The following SUGCT variants were observed in gnomAD, a reference collection of about 807,000 sequenced individuals.
SUGCT encodes the protein succinyl-CoA:glutarate CoA-transferase.
Under a neutral mutation model 55.0 loss-of-function variants are expected in SUGCT, and 41 were observed. That is an observed-to-expected ratio of 0.74 (90% CI 0.58 to 0.97). The LOEUF (loss-of-function observed/expected upper bound fraction) is 0.97, where lower values mean the gene tolerates loss of function less well. Among genes scored for constraint, SUGCT ranks in the 50% least tolerant of loss-of-function variants. SUGCT has a pLI of 0.00. For missense variants in SUGCT, 568 were observed against 547.8 expected (o/e 1.04, Z -0.37); for synonymous variants, 187 against 200.4 (o/e 0.93, Z 0.56).
chr7:40,231,022 T>G (rs1446296555), intron 6 of SUGCT, among the ~76,000 whole-genome samples: 1 of 152,224 alleles, frequency 6.6e-6, no homozygotes, highest in Non-Finnish European at 1.5e-5. Context: ...ATTGTTATTC[T>G]AGATACGGGA....
At chr7:40,589,349 A>T (rs1797584293) in intron 12 of SUGCT, among the ~76,000 whole-genome samples, 1 of 152,178 alleles carries the variant, frequency 6.6e-6, no homozygotes, top group African/African-American at 2.4e-5. Context: ...GGAGGCTGAG[A>T]AGTCAAAGAT....
chr7:40,898,127 A>G, the SUGCT span, among the ~76,000 whole-genome samples: 1 of 152,028 alleles, frequency 6.6e-6, no homozygotes, highest in African/African-American at 2.4e-5. Flanking sequence ...TCACTCGTGA[A>G]GCCAGCAAGA....
At chr7:40,549,193 T>C (rs1476100752) in intron 12 of SUGCT, among the ~76,000 whole-genome samples, 1 of 152,216 alleles carries the variant, frequency 6.6e-6, no homozygotes, top group Admixed American at 6.5e-5. Flanking sequence ...GAAAAGCTGA[T>C]TTCTGGTATA....
At chr7:40,344,859 G>A (rs1307353937) in intron 9 of SUGCT, among the ~76,000 whole-genome samples, 1 of 151,334 alleles carries the variant, frequency 6.6e-6, no homozygotes, top group African/African-American at 2.4e-5. Context: ...GTAGTTTTAT[G>A]TATATTAAAT....
chr7:40,895,696 CA>C, the SUGCT span, among the ~76,000 whole-genome samples: 1,118 of 152,004 alleles, frequency 7.4e-3, 7 homozygotes, highest in Non-Finnish European at 0.013. Flanking sequence ...AATCGAAATA[CA>C]AAAAGCAATC....
intron 8 of SUGCT, among the ~76,000 whole-genome samples, chr7:40,304,859 C>T (rs966712610): frequency 6.6e-6 from 1 of 151,942 alleles, no homozygotes; most frequent in Admixed American, 6.6e-5. Flanking sequence ...ATGATTGTCT[C>T]AATAGACACA....
At chr7:40,579,006 ATT>A (rs1186005298) in intron 12 of SUGCT, among the ~76,000 whole-genome samples, 21 of 152,234 alleles carry the variant, frequency 1.4e-4, no homozygotes, top group Admixed American at 3.9e-4. Flanking sequence ...CCTGCAATGT[ATT>A]GAGTACCGTG....
intron 1 of SUGCT, chr7:40,151,613 A>G (rs903858596): frequency 4.4e-6 from 1 of 228,024 alleles, no homozygotes; most frequent in Non-Finnish European, 9.9e-6. Context: ...AGCACTGCCA[A>G]CATGTCTGAC....
intron 12 of SUGCT, among the ~76,000 whole-genome samples, chr7:40,663,485 A>ATG (rs59033010): frequency 0.14 from 19,064 of 134,930 alleles, 1,266 homozygotes; most frequent in South Asian, 0.23. Context: ...TTTGTGGTGT[A>ATG]TGTGTGTGTG....
intron 12 of SUGCT, among the ~76,000 whole-genome samples, chr7:40,703,860 T>G (rs1263974086): frequency 6.6e-6 from 1 of 152,204 alleles, no homozygotes; most frequent in Non-Finnish European, 1.5e-5. Context: ...GGTCCCCATG[T>G]TCTATGAGCC....
chr7:40,889,724 T>G, the SUGCT span, among the ~76,000 whole-genome samples: 1 of 152,140 alleles, frequency 6.6e-6, no homozygotes, highest in Non-Finnish European at 1.5e-5. Context: ...GGTCAAGTAG[T>G]TTATTACCTA....
chr7:40,727,030 A>G (rs1426295535), intron 12 of SUGCT, among the ~76,000 whole-genome samples: 1 of 152,224 alleles, frequency 6.6e-6, no homozygotes. Flanking sequence ...TGAGGCCCCC[A>G]TGGGCTGTCA....
intron 12 of SUGCT, among the ~76,000 whole-genome samples, chr7:40,613,277 C>A (rs1252322768): frequency 6.6e-6 from 1 of 152,166 alleles, no homozygotes; most frequent in Admixed American, 6.5e-5. Flanking sequence ...CATGAGGCTG[C>A]TTTCACAGCT....
chr7:40,246,883 G>A (rs1789920439), intron 7 of SUGCT, among the ~76,000 whole-genome samples: 1 of 152,160 alleles, frequency 6.6e-6, no homozygotes, highest in Non-Finnish European at 1.5e-5. Flanking sequence ...ACAGACGTGA[G>A]CCACCATGCT....
At position 40,774,533 on chromosome 7, in the gene SUGCT, T is replaced by A. The variant is rs1789351258; in HGVS notation, c.1153+25036T>A. On this transcript the variant is annotated intron_variant, in intron 13 of 13. Coordinates refer to ENST00000335693, the MANE Select transcript of SUGCT (RefSeq NM_001193313.2). The stretch of plus-strand genomic sequence containing the variant: ...GGGAGATTGCTGATTGTGTTAATTT[T>A]TGCTACATTTTGATTTTTAGATGCT... 1.3e-5 allele frequency among the ~76,000 whole-genome samples: 2 copies of A among 152,190 alleles called. 1 individual carries two copies. The highest frequency in any genetic ancestry group is 1.3e-4 in the Admixed American group (2 of 15,284).
chr7:40,547,339 A>G (rs1795044490), intron 12 of SUGCT, among the ~76,000 whole-genome samples: 1 of 152,240 alleles, frequency 6.6e-6, no homozygotes, highest in Non-Finnish European at 1.5e-5. Flanking sequence ...CACACTTGGA[A>G]TAATGGTTGA....
chr7:40,604,077 A>T (rs907707284), intron 12 of SUGCT, among the ~76,000 whole-genome samples: 1 of 151,860 alleles, frequency 6.6e-6, no homozygotes, highest in African/African-American at 2.4e-5. Context: ...TTTGCATAGG[A>T]GTGGGGGAGG....
At chr7:40,484,718 G>A (rs542520822) in intron 11 of SUGCT, among the ~76,000 whole-genome samples, 1 of 152,152 alleles carries the variant, frequency 6.6e-6, no homozygotes, top group South Asian at 2.1e-4. Flanking sequence ...GTGGTGCCTG[G>A]TACATAAAAG....
intron 12 of SUGCT, among the ~76,000 whole-genome samples, chr7:40,582,589 A>G (rs1425087510): frequency 6.6e-6 from 1 of 152,130 alleles, no homozygotes; most frequent in Non-Finnish European, 1.5e-5. Flanking sequence ...TTGGAAATGG[A>G]GTTCCTTTCT....
Sources: gnomAD v4.1 joint callset for allele counts (sites outside exome capture counted in the v4.1 genomes callset) on GRCh38, gnomAD v4.1.1 for gene constraint, MANE v1.5 for transcripts, NCBI Gene and HGNC (gene_info 2026-07-23, HGNC 2026-07-21) for gene names.